Variants in STXBP6 observed in about 807,000 individuals in gnomAD.
STXBP6 encodes the protein syntaxin-binding protein 6.
A neutral mutation model predicts 26.9 loss-of-function variants in STXBP6; 21 were observed. That is an observed-to-expected ratio of 0.78 (90% CI 0.55 to 1.12). The LOEUF (loss-of-function observed/expected upper bound fraction) is 1.12. STXBP6 is among the 50% of genes most tolerant of loss of function. The pLI, the probability that STXBP6 is intolerant of heterozygous loss-of-function variation, is 0.00. For missense variants in STXBP6, 232 were observed against 257.9 expected (o/e 0.90, Z 0.69); for synonymous variants, 97 against 92.6 (o/e 1.05, Z -0.27).
intron 1 of STXBP6, among the ~76,000 whole-genome samples, chr14:24,983,966 C>T (rs1430442401): frequency 1.3e-5 from 2 of 152,144 alleles, no homozygotes; most frequent in Non-Finnish European, 2.9e-5. Flanking sequence ...AATCAAACAT[C>T]AATTTTAAAA....
chr14:24,885,820 G>A (rs924392393), intron 2 of STXBP6, among the ~76,000 whole-genome samples: 7 of 152,322 alleles, frequency 4.6e-5, no homozygotes, highest in Non-Finnish European at 7.3e-5. Context: ...TCCACGTGAC[G>A]TGATACTACC....
intron 1 of STXBP6, among the ~76,000 whole-genome samples, chr14:25,021,453 G>A (rs111363112): frequency 6.6e-5 from 10 of 151,920 alleles, no homozygotes; most frequent in South Asian, 2.1e-4. Context: ...TCAGTTTCCC[G>A]TTACAGGAAA....
chr14:24,962,811 C>T (rs1236333581), intron 2 of STXBP6, among the ~76,000 whole-genome samples: 1 of 151,828 alleles, frequency 6.6e-6, no homozygotes, highest in African/African-American at 2.4e-5. Context: ...TCCACGTGTT[C>T]CTTAGTTTTC....
chr14:25,028,194 A>G (rs1015182928), intron 1 of STXBP6, among the ~76,000 whole-genome samples: 2 of 152,242 alleles, frequency 1.3e-5, no homozygotes, highest in African/African-American at 2.4e-5. Context: ...CAGATTTTCA[A>G]TGTAGATGAA....
In STXBP6 at chr14:24,951,484, G is replaced by A. The variant is rs562191842; in HGVS notation, c.154+23181C>T. On this transcript the variant is annotated intron_variant, in intron 2 of 5. Coordinates refer to ENST00000323944, the MANE Select transcript of STXBP6 (RefSeq NM_001394410.1). The stretch of plus-strand genomic sequence containing the variant: ...TTTCTCTAATGACCAGTGATGATGA[G>A]CTTTTTTTCATGTTTGTTGGCAGCA... 1.1e-3 allele frequency among the ~76,000 whole-genome samples: 166 copies of A among 152,256 alleles called. 1 individual carries two copies. The highest frequency in any genetic ancestry group is 2.9e-3 in the South Asian group (14 of 4,826).
intron 2 of STXBP6, among the ~76,000 whole-genome samples, chr14:24,950,703 T>G (rs1415408246): frequency 6.6e-6 from 1 of 152,214 alleles, no homozygotes; most frequent in Non-Finnish European, 1.5e-5. Flanking sequence ...CTTTATCTTC[T>G]AGTACACATT....
intron 1 of STXBP6, among the ~76,000 whole-genome samples, chr14:24,990,659 C>CAAAAAAAAAAA (rs1211659589): frequency 1.6e-4 from 9 of 57,308 alleles, no homozygotes; most frequent in Admixed American, 2.1e-4. Context: ...AACTCCATCT[C>CAAAAAAAAAAA]AAAAAAAAAA....
intron 1 of STXBP6, among the ~76,000 whole-genome samples, chr14:25,044,421 G>A (rs2140517628): frequency 6.6e-6 from 1 of 152,114 alleles, no homozygotes; most frequent in African/African-American, 2.4e-5. Context: ...TGGTGGGTGT[G>A]AAGTGGCATC....
chr14:25,012,183 A>G (rs527591598), intron 1 of STXBP6, among the ~76,000 whole-genome samples: 1 of 152,356 alleles, frequency 6.6e-6, no homozygotes, highest in South Asian at 2.1e-4. Context: ...TTATAAGGCC[A>G]CAAGTGATTA....
In STXBP6 at chr14:24,874,771, C is replaced by T. The variant is rs967706091; in HGVS notation, c.155-17614G>A. On this transcript the variant is annotated intron_variant, in intron 2 of 5. Transcript: ENST00000323944. ...TCCTGCTGGGGGTCTTAGACAAGGT[C>T]CCTTTGCAGGGGTCCCAGCACTACA... is the stretch of plus-strand genomic sequence containing the variant. 5.9e-5 allele frequency among the ~76,000 whole-genome samples: 9 copies of T among 152,236 alleles called. No individual in the cohort carries two copies. The East Asian group carries it at 1.7e-3, about 29-fold the overall frequency.
intron 2 of STXBP6, among the ~76,000 whole-genome samples, chr14:24,905,151 A>G (rs577035402): frequency 1.1e-3 from 160 of 152,324 alleles, no homozygotes; most frequent in Admixed American, 1.5e-3. Flanking sequence ...GAGGGACAGG[A>G]TAGAACCATC....
chr14:24,924,407 A>C (rs1351099618), intron 2 of STXBP6, among the ~76,000 whole-genome samples: 3 of 152,218 alleles, frequency 2.0e-5, no homozygotes, highest in Non-Finnish European at 4.4e-5. Flanking sequence ...CCATTACCTA[A>C]AAGACTCACT....
chr14:25,023,727 T>G (rs1188135476), intron 1 of STXBP6, among the ~76,000 whole-genome samples: 1 of 152,012 alleles, frequency 6.6e-6, no homozygotes, highest in African/African-American at 2.4e-5. Flanking sequence ...GCCAAGAAGA[T>G]GGAGGTAACC....
Position 25,019,450 on chromosome 14 carries a change from A to C in STXBP6, c.-33+30428T>G, listed in dbSNP as rs568947432. On this transcript the variant is annotated intron_variant, in intron 1 of 5. Coordinates refer to ENST00000323944, the MANE Select transcript of STXBP6 (RefSeq NM_001394410.1). ...AATAAACACAAAAGAGTCAAAGAAA[A>C]GGACAATCTATATCATGTTGGACTT... Among the ~76,000 whole-genome samples the C allele has an allele frequency of 2.2e-4, 34 of 152,368 alleles. No homozygotes were observed. In the East Asian group the frequency reaches 6.2e-3, roughly 28 times the overall value.
intron 2 of STXBP6, among the ~76,000 whole-genome samples, chr14:24,959,200 G>C (rs2073442952): frequency 1.3e-5 from 2 of 152,168 alleles, no homozygotes; most frequent in African/African-American, 4.8e-5. Context: ...TTTGTAAACT[G>C]TATTATTTCT....
chr14:24,892,273 G>A (rs530421941), intron 2 of STXBP6, among the ~76,000 whole-genome samples: 1 of 152,040 alleles, frequency 6.6e-6, no homozygotes, highest in African/African-American at 2.4e-5. Flanking sequence ...AGGAAAGTGG[G>A]GGGAAAAGAG....
intron 2 of STXBP6, among the ~76,000 whole-genome samples, chr14:24,919,119 A>G (rs969729706): frequency 2.0e-5 from 3 of 152,078 alleles, no homozygotes; most frequent in African/African-American, 7.2e-5. Flanking sequence ...GATGTGTCGG[A>G]GCTGCCTAAG....
intron 2 of STXBP6, among the ~76,000 whole-genome samples, chr14:24,861,467 G>T (rs549315545): frequency 6.6e-6 from 1 of 152,240 alleles, no homozygotes; most frequent in South Asian, 2.1e-4. Context: ...AACAGGCTAC[G>T]TGGCCAAGGT....
At chr14:24,958,307 C>T (rs2073408953) in intron 2 of STXBP6, among the ~76,000 whole-genome samples, 1 of 152,058 alleles carries the variant, frequency 6.6e-6, no homozygotes, top group Non-Finnish European at 1.5e-5. Context: ...CAATTCCTAC[C>T]TCGAGGCAAA....
Sources: gnomAD v4.1 joint callset for allele counts (sites outside exome capture counted in the v4.1 genomes callset) on GRCh38, gnomAD v4.1.1 for gene constraint, MANE v1.5 for transcripts, NCBI Gene and HGNC (gene_info 2026-07-23, HGNC 2026-07-21) for gene names.